The following USP25 variants were observed in gnomAD, a reference collection of about 807,000 sequenced individuals.
The protein encoded by USP25 is ubiquitin specific peptidase 25.
Under a neutral mutation model 158.5 loss-of-function variants are expected in USP25, and 85 were observed. The observed-to-expected ratio is 0.54, with a 90% confidence interval of 0.45 to 0.64. The LOEUF (loss-of-function observed/expected upper bound fraction) is 0.64. Ranked by LOEUF, USP25 falls within the 30% of genes least tolerant of loss-of-function variation. The probability of loss-of-function intolerance (pLI) is 0.00; values close to 1 mark genes in which losing one functional copy is unlikely to be tolerated. For missense variants in USP25, 1,242 were observed against 1,327.3 expected (o/e 0.94, Z 1.00); for synonymous variants, 464 against 460.4 (o/e 1.01, Z -0.10).
At chr21:15,862,564 C>G (rs2039472102) in intron 20 of USP25, among the ~76,000 whole-genome samples, 1 of 147,508 alleles carries the variant, frequency 6.8e-6, no homozygotes. Context: ...GGTCTCCCCC[C>G]TTCCCCGTTT....
chr21:15,871,028 C>G (rs914536136), intron 23 of USP25, among the ~76,000 whole-genome samples: 3 of 152,174 alleles, frequency 2.0e-5, no homozygotes, highest in Admixed American at 1.3e-4. Context: ...TTAGTGGCCT[C>G]TATTTTTAGC....
At chr21:15,745,025 C>A (rs2032415275) in intron 1 of USP25, 1 of 152,424 alleles carries the variant, frequency 6.6e-6, no homozygotes, top group African/African-American at 2.4e-5. Context: ...GCCTCCATCC[C>A]CGCCACTTCC....
chr21:15,787,026 C>A (rs912301176), intron 4 of USP25, among the ~76,000 whole-genome samples: 1 of 151,956 alleles, frequency 6.6e-6, no homozygotes, highest in Non-Finnish European at 1.5e-5. Context: ...TACAAAAAAT[C>A]TAGATACCTA....
Position 15,799,843 on chromosome 21 carries a change from G to A in USP25, c.642G>A (p.Lys214=). The stretch of plus-strand genomic sequence containing the variant: ...CTCAAGATTTACCCCGAAACCAAAA[G>A]GTAAAATTCAAAAGATTTTTTTAAG... The part of the protein sequence containing the change: ...SNAQDLPRNQ[K]EHRNLPFMRE... Residue 214 remains lysine (K), a splice_region_variant and synonymous_variant, in exon 6 of 26, where the codon AAG becomes AAA. Coordinates refer to ENST00000400183, the MANE Select transcript of USP25 (RefSeq NM_001283041.3). 6.3e-7 allele frequency: 1 copy of A among 1,597,996 alleles called. No individual in the cohort carries two copies. Among genetic ancestry groups the A allele is most frequent in the East Asian group, 2.2e-5 (1 of 44,544 alleles).
chr21:15,742,058 CTG>C, intron 1 of USP25, among the ~76,000 whole-genome samples: 1 of 150,864 alleles, frequency 6.6e-6, no homozygotes, highest in East Asian at 1.9e-4. Context: ...GTGGGATGAA[CTG>C]TGGTGAGGTA....
chr21:15,779,468 TGTTTATATGA>T (rs1031414920), intron 4 of USP25, among the ~76,000 whole-genome samples: 31 of 151,938 alleles, frequency 2.0e-4, no homozygotes, highest in African/African-American at 7.2e-4. Flanking sequence ...ATTATATTTT[TGTTTATATGA>T]ATTTATATGA....
chr21:15,831,170 T>TC (rs1164570190), intron 15 of USP25, among the ~76,000 whole-genome samples: 1 of 152,182 alleles, frequency 6.6e-6, no homozygotes, highest in African/African-American at 2.4e-5. Flanking sequence ...TTTTCAAAAA[T>TC]CATCTTTTTA....
rs1200009377 is a variant in USP25, at chr21:15,846,151, TATATA to T, written c.2338-1511_2338-1507del. Among the ~76,000 whole-genome samples the T allele has an allele frequency of 4.2e-3, 284 of 68,292 alleles. 3 individuals carry two copies. The highest frequency in any genetic ancestry group is 0.022 in the African/African-American group (184 of 8,196). The allele number at this position is 68,292 out of a possible 152,430, so 44.8% of individuals were successfully genotyped here. A position where few individuals can be genotyped will look rare whatever the true frequency, so the allele number is the denominator to read the frequency against. ...ATATATATATATATATATATATATA[TATATA>T]TATTTTTTTTTTTTTTTTTTTTTTG... On this transcript the variant is annotated intron_variant, in intron 18 of 25. Transcript: ENST00000400183.
chr21:15,804,431 C>T (rs927564473), intron 6 of USP25, among the ~76,000 whole-genome samples: 4 of 149,704 alleles, frequency 2.7e-5, no homozygotes, highest in Non-Finnish European at 3.0e-5. Flanking sequence ...ATATAATGTT[C>T]GATAACTTTA....
intron 6 of USP25, 124 bp from the exon 7 acceptor site, chr21:15,804,997 A>C: frequency 1.0e-6 from 1 of 1,002,582 alleles, no homozygotes; most frequent in Non-Finnish European, 1.4e-6. Context: ...ATAGAGTGCT[A>C]ATTCATCCCT....
intron 20 of USP25, among the ~76,000 whole-genome samples, chr21:15,859,066 A>G (rs2039292932): frequency 6.6e-6 from 1 of 151,054 alleles, no homozygotes; most frequent in Non-Finnish European, 1.5e-5. Context: ...ATCTGGGTAC[A>G]TAGACAAAAT....
chr21:15,859,186 TG>T (rs1180441409), intron 20 of USP25, among the ~76,000 whole-genome samples: 2 of 148,570 alleles, frequency 1.3e-5, no homozygotes, highest in African/African-American at 4.9e-5. Flanking sequence ...GGCTTTCTCT[TG>T]TTTTGTTTTG....
chr21:15,767,398 G>T (rs1296858517), intron 3 of USP25, among the ~76,000 whole-genome samples: 1 of 152,092 alleles, frequency 6.6e-6, no homozygotes, highest in East Asian at 1.9e-4. Context: ...CTAGGACCAA[G>T]TGTTTCTCCA....
At chr21:15,775,068 G>C (rs530574118) in intron 3 of USP25, among the ~76,000 whole-genome samples, 1 of 152,322 alleles carries the variant, frequency 6.6e-6, no homozygotes, top group African/African-American at 2.4e-5. Flanking sequence ...TTAAGAGTTA[G>C]AAGACTTAAA....
intron 8 of USP25, among the ~76,000 whole-genome samples, chr21:15,809,153 G>C (rs898109533): frequency 6.6e-6 from 1 of 152,112 alleles, no homozygotes; most frequent in African/African-American, 2.4e-5. Flanking sequence ...ATGAATTTGC[G>C]GTGGAGAAAG....
chr21:15,806,687 A>C (rs1050403738), intron 7 of USP25, among the ~76,000 whole-genome samples: 1 of 152,220 alleles, frequency 6.6e-6, no homozygotes, highest in Non-Finnish European at 1.5e-5. Context: ...GTAGATGTGC[A>C]TCAATTAAGG....
intron 17 of USP25, among the ~76,000 whole-genome samples, chr21:15,837,460 C>G (rs904653516): frequency 2.6e-5 from 4 of 152,104 alleles, no homozygotes; most frequent in African/African-American, 9.7e-5. Context: ...GAACAGCACA[C>G]CCTACCTAAG....
At chr21:15,730,875 T>C (rs2030767742) in intron 1 of USP25, among the ~76,000 whole-genome samples, 1 of 151,982 alleles carries the variant, frequency 6.6e-6, no homozygotes, top group African/African-American at 2.4e-5. Context: ...TCGAATTACC[T>C]GCCTCGCGGG....
chr21:15,789,246 G>A (rs2035460782), intron 4 of USP25, among the ~76,000 whole-genome samples: 1 of 152,072 alleles, frequency 6.6e-6, no homozygotes, highest in African/African-American at 2.4e-5. Flanking sequence ...CAGAAGACGG[G>A]CGTAAAGGAA....
Sources: allele counts gnomAD v4.1 joint callset (sites outside exome capture counted in the v4.1 genomes callset), GRCh38; gene constraint gnomAD v4.1.1; transcripts MANE v1.5; gene names NCBI Gene and HGNC (gene_info 2026-07-23, HGNC 2026-07-21).